BMERB1: variants seen among roughly 807,000 people sequenced by gnomAD.
The protein encoded by BMERB1 is bMERB domain-containing protein 1.
A neutral mutation model predicts 23.6 loss-of-function variants in BMERB1; 12 were observed. That is an observed-to-expected ratio of 0.51 (90% CI 0.33 to 0.82). The LOEUF is 0.82. BMERB1 is among the 40% of genes least tolerant of loss of function. The pLI is 0.03. For synonymous variants in BMERB1, 122 were observed against 96.6 expected, an observed-to-expected ratio of 1.26 and a Z score of -1.54; for missense variants, 247 against 255.4, an observed-to-expected ratio of 0.97 and a Z score of 0.22.
chr16:15,455,001 T>C (rs1430839657), intron 1 of BMERB1, among the ~76,000 whole-genome samples: 1 of 152,056 alleles, frequency 6.6e-6, no homozygotes, highest in African/African-American at 2.4e-5. Flanking sequence ...TAACAATCTC[T>C]TGCAACAGAG....
intron 2 of BMERB1, among the ~76,000 whole-genome samples, chr16:15,563,685 A>T (rs1475247841): frequency 6.6e-6 from 1 of 152,108 alleles, no homozygotes; most frequent in African/African-American, 2.4e-5. Flanking sequence ...GTGGCTGGAG[A>T]AGGAACAAGA....
intron 2 of BMERB1, among the ~76,000 whole-genome samples, chr16:15,560,203 A>G (rs1483915155): frequency 1.3e-5 from 2 of 152,168 alleles, no homozygotes; most frequent in Non-Finnish European, 2.9e-5. Context: ...CTCGCTTGTC[A>G]ATGGGTTGTG....
At chr16:15,573,183 C>T (rs1357469072) in intron 3 of BMERB1, among the ~76,000 whole-genome samples, 1 of 152,186 alleles carries the variant, frequency 6.6e-6, no homozygotes, top group Non-Finnish European at 1.5e-5. Flanking sequence ...TGCAAGGCTC[C>T]AAGCCAGGAG....
At chr16:15,520,277 C>CAGAAA (rs2051834568) in intron 2 of BMERB1, among the ~76,000 whole-genome samples, 1 of 151,778 alleles carries the variant, frequency 6.6e-6, no homozygotes, top group South Asian at 2.1e-4. Flanking sequence ...TTCTCAATGC[C>CAGAAA]AGGACCCCTT....
chr16:15,548,110 G>A (rs1360337942), intron 2 of BMERB1, among the ~76,000 whole-genome samples: 4 of 152,144 alleles, frequency 2.6e-5, no homozygotes, highest in East Asian at 1.9e-4. Flanking sequence ...TCAGCCTCCC[G>A]AGTAGCTGGG....
In BMERB1 at chr16:15,434,778, G is replaced by A; in HGVS notation, c.106+19G>A. On this transcript the variant is annotated intron_variant, in intron 1 of 5. Coordinates refer to ENST00000300006, the MANE Select transcript of BMERB1 (RefSeq NM_033201.3). ...GGGAGAAGTGAGTACTGGGGCGGGG[G>A]GCGGGGGGCCGGGGACAGCTGGGGA... 2.2e-6 allele frequency: 1 copy of A among 448,290 alleles called. No individual in the cohort carries two copies. The allele number at this position is 448,290 out of a possible 1,614,324, so 27.8% of individuals were successfully genotyped here.
chr16:15,552,350 G>A (rs913611826), intron 2 of BMERB1, among the ~76,000 whole-genome samples: 2 of 152,032 alleles, frequency 1.3e-5, no homozygotes, highest in East Asian at 1.9e-4. Flanking sequence ...TGAGGCACGA[G>A]GATTGCTTGA....
intron 1 of BMERB1, among the ~76,000 whole-genome samples, chr16:15,457,705 G>A (rs907124087): frequency 6.6e-6 from 1 of 152,130 alleles, no homozygotes; most frequent in Non-Finnish European, 1.5e-5. Flanking sequence ...GGAATATCTG[G>A]TCCCTTCTCT....
intron 1 of BMERB1, among the ~76,000 whole-genome samples, chr16:15,489,748 A>C (rs914967359): frequency 2.0e-5 from 3 of 151,998 alleles, no homozygotes; most frequent in African/African-American, 7.3e-5. Flanking sequence ...TGCTCCTCCC[A>C]CGCCACAGAG....
intron 2 of BMERB1, among the ~76,000 whole-genome samples, chr16:15,540,388 C>T (rs978748084): frequency 6.6e-6 from 1 of 151,774 alleles, no homozygotes; most frequent in African/African-American, 2.4e-5. Context: ...TAGCGGCTCT[C>T]GGTGGCATGC....
chr16:15,567,426 TGGAA>T (rs1250548466), intron 2 of BMERB1, among the ~76,000 whole-genome samples: 4 of 152,004 alleles, frequency 2.6e-5, no homozygotes, highest in Non-Finnish European at 5.9e-5. Flanking sequence ...ACATGAAGAC[TGGAA>T]GGAGCTCTAT....
intron 4 of BMERB1, among the ~76,000 whole-genome samples, chr16:15,582,538 G>A (rs1226323320): frequency 2.0e-5 from 3 of 152,124 alleles, no homozygotes; most frequent in Admixed American, 2.0e-4. Context: ...AACATAGTGA[G>A]ACCCCCCTAT....
intron 1 of BMERB1, among the ~76,000 whole-genome samples, chr16:15,473,358 T>G (rs1200403002): frequency 6.6e-6 from 1 of 150,646 alleles, no homozygotes; most frequent in Non-Finnish European, 1.5e-5. Context: ...TGGTGCCACC[T>G]CAGCTCACTG....
intron 2 of BMERB1, among the ~76,000 whole-genome samples, chr16:15,516,288 G>GT (rs2051753602): frequency 6.6e-6 from 1 of 151,708 alleles, no homozygotes; most frequent in Admixed American, 6.6e-5. Flanking sequence ...GTGTGTGGCT[G>GT]TGTGTGCCTT....
intron 1 of BMERB1, among the ~76,000 whole-genome samples, chr16:15,485,920 C>A (rs943900989): frequency 6.6e-6 from 1 of 151,984 alleles, no homozygotes; most frequent in Non-Finnish European, 1.5e-5. Context: ...ATTTGAGAGG[C>A]CCATGCTGAT....
intron 1 of BMERB1, among the ~76,000 whole-genome samples, chr16:15,510,408 C>T (rs958413495): frequency 6.6e-6 from 1 of 152,172 alleles, no homozygotes; most frequent in Non-Finnish European, 1.5e-5. Context: ...ACTGAACTTG[C>T]TGGCTTATGG....
chr16:15,507,010 G>C (rs539836807), intron 1 of BMERB1, among the ~76,000 whole-genome samples: 6 of 152,300 alleles, frequency 3.9e-5, no homozygotes, highest in African/African-American at 1.4e-4. Context: ...ATATGAGCTA[G>C]ATCATGGCTC....
chr16:15,473,158 C>T (rs1244350560), intron 1 of BMERB1, among the ~76,000 whole-genome samples: 2 of 152,092 alleles, frequency 1.3e-5, no homozygotes, highest in East Asian at 1.9e-4. Context: ...CTGAGGCCAG[C>T]CAGATTCCAT....
intron 2 of BMERB1, among the ~76,000 whole-genome samples, chr16:15,554,936 G>A (rs1567496871): frequency 6.6e-6 from 1 of 152,134 alleles, no homozygotes; most frequent in Non-Finnish European, 1.5e-5. Flanking sequence ...AAAGTGCTGG[G>A]ATTACAGACT....
Sources: allele counts gnomAD v4.1 joint callset (sites outside exome capture counted in the v4.1 genomes callset), GRCh38; gene constraint gnomAD v4.1.1; transcripts MANE v1.5; gene names NCBI Gene and HGNC (gene_info 2026-07-23, HGNC 2026-07-21).